The following SYTL3 variants were observed in gnomAD, a reference collection of about 807,000 sequenced individuals.
SYTL3 encodes synaptotagmin-like protein 3.
In SYTL3, 88 loss-of-function variants were observed where a neutral mutation model predicts 82.1. The ratio of observed to expected loss-of-function variants is 1.07; its 90% confidence interval spans 0.90 to 1.28. SYTL3 has a LOEUF of 1.28. SYTL3 is among the 50% of genes most tolerant of loss of function. SYTL3 has a pLI of 0.00. For missense variants in SYTL3, 831 were observed against 757.6 expected (o/e 1.10, Z -1.14); for synonymous variants, 311 against 289.4 (o/e 1.07, Z -0.76).
chr6:158,733,600 G>T (rs971510238), intron 11 of SYTL3, among the ~76,000 whole-genome samples: 16 of 151,738 alleles, frequency 1.1e-4, no homozygotes, highest in Middle Eastern at 6.8e-3. Context: ...GTGCTGGGAT[G>T]ACAGGCGTGA....
At position 158,660,694 on chromosome 6, in the gene SYTL3, G is replaced by A. The variant is rs541629346; in HGVS notation, c.-636-575G>A. On this transcript the variant is annotated intron_variant, in intron 2 of 17. Transcript: ENST00000611299. ...GTACTGGAGACCAGAGCCAGAGAACGGAGCACAAACAGCCACATGAAAAGA... is the reference window on the plus strand; with the variant it reads ...GTACTGGAGACCAGAGCCAGAGAACAGAGCACAAACAGCCACATGAAAAGA... Among the ~76,000 whole-genome samples, 3 of 152,284 alleles carry A rather than the reference G, an allele frequency of 2.0e-5. No homozygotes were observed. The South Asian group carries it at 6.2e-4, about 32-fold the overall frequency.
chr6:158,657,692 G>T (rs1788855476), intron 2 of SYTL3, among the ~76,000 whole-genome samples: 1 of 152,018 alleles, frequency 6.6e-6, no homozygotes, highest in African/African-American at 2.4e-5. Flanking sequence ...TCAGATGTTT[G>T]CATACATCAA....
At chr6:158,700,985 G>C (rs1289654257) in intron 6 of SYTL3, among the ~76,000 whole-genome samples, 1 of 152,240 alleles carries the variant, frequency 6.6e-6, no homozygotes, top group East Asian at 1.9e-4. Flanking sequence ...GCGAGATGCA[G>C]AAGATGAGGC....
chr6:158,676,571 A>C lies in SYTL3; in HGVS notation c.330-6354A>C, dbSNP rs1412760532. On this transcript the variant is annotated intron_variant, in intron 5 of 17. Transcript: ENST00000611299. ...TTGACAAATGGGATCTAATTAAACT[A>C]AAGAGCTTCTGCACAGCAAAAGAAA... Among the ~76,000 whole-genome samples, 16 of 152,120 alleles carry C rather than the reference A, an allele frequency of 1.1e-4. No individual in the cohort carries two copies. In the South Asian group the frequency reaches 2.9e-3, roughly 28 times the overall value.
chr6:158,751,729 A>G (rs1251496597), intron 12 of SYTL3, among the ~76,000 whole-genome samples, 199 bp from the exon 13 acceptor site: 1 of 152,148 alleles, frequency 6.6e-6, no homozygotes, highest in Middle Eastern at 3.2e-3. Flanking sequence ...TTGACCATAG[A>G]CTGCATGGAT....
intron 8 of SYTL3, among the ~76,000 whole-genome samples, chr6:158,712,961 C>T (rs374615170): frequency 4.3e-4 from 66 of 151,958 alleles, no homozygotes; most frequent in East Asian, 4.3e-3. Flanking sequence ...CGGGGTTTCA[C>T]GTGTTAGCCA....
chr6:158,684,490 C>T (rs150390688), intron 6 of SYTL3, among the ~76,000 whole-genome samples: 2 of 152,254 alleles, frequency 1.3e-5, no homozygotes, highest in Non-Finnish European at 2.9e-5. Flanking sequence ...CACACAGGCA[C>T]CGTCACGGTG....
intron 9 of SYTL3, 122 bp from the exon 10 acceptor site, chr6:158,717,965 C>T: frequency 1.1e-6 from 1 of 904,336 alleles, no homozygotes; most frequent in African/African-American, 1.7e-5. Flanking sequence ...CCTCCGTGCA[C>T]TTTGCCCTCT....
chr6:158,733,958 C>T (rs752574038), intron 11 of SYTL3, among the ~76,000 whole-genome samples: 7 of 151,756 alleles, frequency 4.6e-5, no homozygotes, highest in South Asian at 4.2e-4. Flanking sequence ...ATTAGCCAGG[C>T]GTGATGGCGG....
upstream of SYTL3, among the ~76,000 whole-genome samples, chr6:158,648,858 T>C (rs1349908971): frequency 6.6e-6 from 1 of 152,186 alleles, no homozygotes; most frequent in African/African-American, 2.4e-5. Flanking sequence ...CTGACACATA[T>C]CTAAAGTGAG....
At chr6:158,665,324 G>A in intron 4 of SYTL3, 71 bp from the exon 5 acceptor site, 1 of 1,440,392 alleles carries the variant, frequency 6.9e-7, no homozygotes, top group Non-Finnish European at 9.5e-7. Context: ...GTTACTGCCT[G>A]GGCTCTTGCC....
chr6:158,670,706 CG>C lies in SYTL3; in HGVS notation c.329+5099del, dbSNP rs1191360213. Among the ~76,000 whole-genome samples, 26 of 151,992 alleles carry C rather than the reference CG, an allele frequency of 1.7e-4. 1 individual carries two copies. The East Asian group carries it at 5.0e-3, about 29-fold the overall frequency. On this transcript the variant is annotated intron_variant, in intron 5 of 17. Transcript: ENST00000611299. ...GCTGAGGTACAAGAATCGCTGGAAC[CG>C]GGGGGCGAAGGTTGCAATGAGCGGA...
At chr6:158,646,631 GC>G (rs1787484067), upstream of SYTL3, among the ~76,000 whole-genome samples, 1 of 152,214 alleles carries the variant, frequency 6.6e-6, no homozygotes, top group Non-Finnish European at 1.5e-5. Flanking sequence ...AGGCTGCTTG[GC>G]CCTGGGTGTT....
chr6:158,659,946 T>C (rs2128358856), intron 2 of SYTL3, among the ~76,000 whole-genome samples: 1 of 152,224 alleles, frequency 6.6e-6, no homozygotes, highest in African/African-American at 2.4e-5. Context: ...TAGAATAGGG[T>C]ATAAATGACC....
At chr6:158,735,827 T>C (rs1786068992) in intron 11 of SYTL3, among the ~76,000 whole-genome samples, 1 of 152,190 alleles carries the variant, frequency 6.6e-6, no homozygotes, top group Non-Finnish European at 1.5e-5. Context: ...AGGTGTAGGG[T>C]AGCAGGCGTT....
chr6:158,723,033 C>G (rs187956753), intron 10 of SYTL3, among the ~76,000 whole-genome samples: 8 of 149,424 alleles, frequency 5.4e-5, no homozygotes, highest in African/African-American at 2.0e-4. Flanking sequence ...CCCAAAGTGC[C>G]GGGATTACAA....
intron 5 of SYTL3, among the ~76,000 whole-genome samples, chr6:158,671,351 C>T (rs1352675473): frequency 1.3e-5 from 2 of 152,256 alleles, no homozygotes; most frequent in South Asian, 2.1e-4. Flanking sequence ...CTGTTGTCAC[C>T]TTACGTAGTT....
chr6:158,744,693 A>T (rs1259509917), intron 11 of SYTL3, among the ~76,000 whole-genome samples: 1 of 152,174 alleles, frequency 6.6e-6, no homozygotes, highest in African/African-American at 2.4e-5. Context: ...TTCGAAGTAG[A>T]AATCAGTTAG....
intron 9 of SYTL3, among the ~76,000 whole-genome samples, chr6:158,716,707 G>A (rs975145647): frequency 4.6e-5 from 7 of 152,270 alleles, no homozygotes; most frequent in African/African-American, 1.4e-4. Context: ...AGGAGAGAAC[G>A]AATACATAGT....
Sources: allele counts gnomAD v4.1 joint callset (sites outside exome capture counted in the v4.1 genomes callset), GRCh38; gene constraint gnomAD v4.1.1; transcripts MANE v1.5; gene names NCBI Gene and HGNC (gene_info 2026-07-23, HGNC 2026-07-21).